DOCK11: variants seen among roughly 807,000 people sequenced by gnomAD.
The protein encoded by DOCK11 is dedicator of cytokinesis 11.
A neutral mutation model predicts 169.1 loss-of-function variants in DOCK11; 70 were observed. The ratio of observed to expected loss-of-function variants is 0.41; its 90% CI spans 0.34 to 0.51. The LOEUF is 0.51. DOCK11 is among the 20% of genes least tolerant of loss of function. The pLI is 0.10. For missense variants in DOCK11, 1,166 were observed against 1,538.8 expected (o/e 0.76, Z 4.05); for synonymous variants, 529 against 541.3 (o/e 0.98, Z 0.32).
intron 35 of DOCK11, among the ~76,000 whole-genome samples, chrX:118,634,625 C>T (rs1353945544): frequency 8.9e-6 from 1 of 112,775 alleles, no homozygotes; most frequent in Non-Finnish European, 1.9e-5. Context: ...GACCGGAGGC[C>T]GGAAACGCAG....
intron 46 of DOCK11, among the ~76,000 whole-genome samples, chrX:118,674,937 G>A: frequency 8.9e-6 from 1 of 112,148 alleles, no homozygotes; most frequent in Admixed American, 9.5e-5. Flanking sequence ...GAGATTGAGT[G>A]TCTTTTCGTG....
chrX:118,526,310 C>T (rs1296387230), intron 1 of DOCK11, among the ~76,000 whole-genome samples: 1 of 112,491 alleles, frequency 8.9e-6, no homozygotes, highest in Non-Finnish European at 1.9e-5. Flanking sequence ...CCGAGCATGG[C>T]TCTTGCTTCA....
At chrX:118,605,990 A>G (rs2014487243) in intron 24 of DOCK11, among the ~76,000 whole-genome samples, 1 of 110,861 alleles carries the variant, frequency 9.0e-6, no homozygotes, top group Non-Finnish European at 1.9e-5. Flanking sequence ...AATTATGTAA[A>G]TGTTCTGCAC....
rs780870559 is a variant in DOCK11, at chrX:118,656,295, G to A, written c.4969+1334G>A. ...TAAATAAATAAATAAATAAATAAAT[G>A]AATAAATAAATTTTTTAAAAAAGAT... On this transcript the variant is annotated intron_variant, in intron 44 of 52. Coordinates refer to ENST00000276202, the MANE Select transcript of DOCK11 (RefSeq NM_144658.4). Among the ~76,000 whole-genome samples the A allele has an allele frequency of 2.0e-3, 186 of 94,197 alleles. 1 individual carries two copies. The highest frequency in any genetic ancestry group is 6.0e-3 in the African/African-American group (159 of 26,344). The allele number at this position is 94,197 out of a possible 115,157, so 81.8% of individuals were successfully genotyped here.
chrX:118,592,005 G>A (rs1439454897), intron 19 of DOCK11, among the ~76,000 whole-genome samples: 3 of 107,165 alleles, frequency 2.8e-5, no homozygotes, highest in African/African-American at 1.0e-4. Flanking sequence ...GTGTATATGT[G>A]CCACATTTTC....
At chrX:118,544,329 T>G (rs1437454726) in intron 4 of DOCK11, among the ~76,000 whole-genome samples, 1 of 111,682 alleles carries the variant, frequency 9.0e-6, no homozygotes, top group Non-Finnish European at 1.9e-5. Context: ...TCAAATCTTA[T>G]TTCTACCACT....
chrX:118,538,260 G>A (rs1332353368), intron 1 of DOCK11, among the ~76,000 whole-genome samples: 2 of 111,939 alleles, frequency 1.8e-5, no homozygotes, highest in East Asian at 5.6e-4. Context: ...TCCTGGTTCA[G>A]CTCCTAATGT....
chrX:118,650,602 A>G (rs1215636774), intron 41 of DOCK11, among the ~76,000 whole-genome samples: 1 of 111,768 alleles, frequency 8.9e-6, no homozygotes, highest in Non-Finnish European at 1.9e-5. Flanking sequence ...TTTGCATGTT[A>G]GAGTCAGCCA....
chrX:118,616,159 C>T (rs964216037), intron 30 of DOCK11: 1 of 842,301 alleles, frequency 1.2e-6, no homozygotes, highest in Non-Finnish European at 1.5e-6. Flanking sequence ...TCTTATGTTA[C>T]TATGTTTTTT....
At position 118,561,447 on chromosome X, in the gene DOCK11, A is replaced by C; in HGVS notation, c.623A>C (p.Tyr208Ser). Residue 208 changes from tyrosine (Y) to serine (S), a missense_variant, in exon 7 of 53, where the codon TAT (tyrosine) becomes TCT (serine). Tyr to Ser is a moderately radical substitution (Grantham distance 144). Transcript: ENST00000276202. ...LPDGSYILNS[Y>S]KDEKNSKESK... ...GACGGTTCATATATTCTCAATTCCT[A>C]TAAAGATGAGAAAAATTCAAAAGAA... 2.5e-6 allele frequency: 3 copies of C among 1,207,882 alleles called. No homozygotes were observed. Among genetic ancestry groups the C allele is most frequent in the Non-Finnish European group, 3.4e-6 (3 of 893,602 alleles).
At chrX:118,511,580 T>C (rs902727314) in intron 1 of DOCK11, among the ~76,000 whole-genome samples, 1 of 112,059 alleles carries the variant, frequency 8.9e-6, no homozygotes, top group African/African-American at 3.3e-5. Flanking sequence ...ACTTTCTGCT[T>C]TGGAGTTTCT....
chrX:118,554,160 G>A (rs193072131), intron 6 of DOCK11, among the ~76,000 whole-genome samples: 6 of 111,357 alleles, frequency 5.4e-5, no homozygotes, highest in Non-Finnish European at 1.1e-4. Flanking sequence ...ATCCCACCAC[G>A]CCTGGCTACC....
chrX:118,588,640 A>C (rs1472546016), intron 18 of DOCK11, among the ~76,000 whole-genome samples, 162 bp downstream of exon 18: 1 of 112,662 alleles, frequency 8.9e-6, no homozygotes, highest in African/African-American at 3.2e-5. Flanking sequence ...ATTAACTATA[A>C]GGCTTAGTTT....
At chrX:118,592,150 T>G (rs1238088578) in intron 19 of DOCK11, among the ~76,000 whole-genome samples, 3 of 110,611 alleles carry the variant, frequency 2.7e-5, no homozygotes, top group Non-Finnish European at 5.7e-5. Context: ...ATATACCCAG[T>G]AATGGGATGG....
At chrX:118,651,731 T>C (rs912956631) in intron 41 of DOCK11, among the ~76,000 whole-genome samples, 2 of 111,847 alleles carry the variant, frequency 1.8e-5, no homozygotes, top group African/African-American at 6.5e-5. Context: ...TTTTGAAAAA[T>C]TGTTTACGTC....
At chrX:118,502,764 CAAAACAAA>C (rs1447291854) in intron 1 of DOCK11, among the ~76,000 whole-genome samples, 4 of 92,267 alleles carry the variant, frequency 4.3e-5, no homozygotes, top group Non-Finnish European at 9.6e-5. Context: ...CTGGCCAAAA[CAAAACAAA>C]CAAACAAACA....
chrX:118,666,961 C>T (rs2016351574), intron 45 of DOCK11, among the ~76,000 whole-genome samples: 1 of 111,373 alleles, frequency 9.0e-6, no homozygotes, highest in South Asian at 3.7e-4. Flanking sequence ...TTTGTATTTC[C>T]CTAATAACCG....
At chrX:118,664,512 G>A (rs977362630) in intron 45 of DOCK11, among the ~76,000 whole-genome samples, 2 of 110,533 alleles carry the variant, frequency 1.8e-5, no homozygotes, top group Non-Finnish European at 3.8e-5. Context: ...AGACGTGGTG[G>A]CACCTGCCTA....
chrX:118,510,286 C>G (rs1034840236), intron 1 of DOCK11, among the ~76,000 whole-genome samples: 2 of 112,240 alleles, frequency 1.8e-5, no homozygotes, highest in African/African-American at 6.5e-5. Context: ...AACAGCCAGG[C>G]GCAGAAGTCT....
Sources: gnomAD v4.1 joint callset for allele counts (sites outside exome capture counted in the v4.1 genomes callset) on GRCh38, gnomAD v4.1.1 for gene constraint, MANE v1.5 for transcripts, NCBI Gene and HGNC (gene_info 2026-07-23, HGNC 2026-07-21) for gene names.